SASH1: variants seen among roughly 807,000 people sequenced by gnomAD.
SASH1 encodes the protein SAM and SH3 domain containing 1, also known as SAM and SH3 domain-containing protein 1.
A neutral mutation model predicts 125.2 loss-of-function variants in SASH1; 44 were observed. The ratio of observed to expected loss-of-function variants is 0.35; its 90% CI spans 0.28 to 0.45. The LOEUF (loss-of-function observed/expected upper bound fraction) is 0.45. Ranked by LOEUF, SASH1 falls within the 20% of genes least tolerant of loss-of-function variation. SASH1 has a pLI of 1.00. For synonymous variants in SASH1, 639 were observed against 649.1 expected, an observed-to-expected ratio of 0.98 and a Z score of 0.24; for missense variants, 1,426 against 1,614.5, an observed-to-expected ratio of 0.88 and a Z score of 2.00.
At chr6:148,459,024 C>CA (rs1351680123) in intron 4 of SASH1, among the ~76,000 whole-genome samples, 7 of 139,398 alleles carry the variant, frequency 5.0e-5, no homozygotes, top group African/African-American at 1.9e-4. Flanking sequence ...ACACACACAC[C>CA]CTCTAGCATA....
chr6:148,421,177 G>GAAAGAAAGAAAGAAAA (rs1562396585), intron 2 of SASH1, among the ~76,000 whole-genome samples: 39 of 144,000 alleles, frequency 2.7e-4, no homozygotes, highest in African/African-American at 9.4e-4. Context: ...AAGAAAGAAA[G>GAAAGAAAGAAAGAAAA]AAAGAAAGAA....
rs897994926 is a variant in SASH1, at chr6:148,353,434, G to A, written c.156+10211G>A. On this transcript the variant is annotated intron_variant, in intron 1 of 19. Transcript: ENST00000367467. Reference sequence around the variant, plus strand: ...GATTCTACATGTTCAATTTAAGATTGATTTTTTTTTTTTTTTTTTTTGGAC... The same window carrying A: ...GATTCTACATGTTCAATTTAAGATTAATTTTTTTTTTTTTTTTTTTTGGAC... Among the ~76,000 whole-genome samples the A allele has an allele frequency of 6.0e-5, 6 of 99,354 alleles. No homozygotes were observed. The East Asian group carries it at 1.7e-3, about 29-fold the overall frequency. The allele number at this position is 99,354 out of a possible 152,430, so 65.2% of individuals were successfully genotyped here.
intron 4 of SASH1, among the ~76,000 whole-genome samples, chr6:148,447,685 TTCTTCCTCTTC>T: frequency 6.6e-6 from 1 of 151,232 alleles, no homozygotes; most frequent in African/African-American, 2.4e-5. Context: ...CCTCCTCTTC[TTCTTCCTCTTC>T]TCCTCTTCCT....
intron 2 of SASH1, among the ~76,000 whole-genome samples, chr6:148,401,333 T>C (rs144226667): frequency 2.6e-3 from 390 of 152,014 alleles, no homozygotes; most frequent in African/African-American, 8.6e-3. Flanking sequence ...GGACACACAC[T>C]AGCTCATGGG....
At chr6:148,292,277 C>G (rs759228493) in intron 1 of SASH1, among the ~76,000 whole-genome samples, 18 of 151,946 alleles carry the variant, frequency 1.2e-4, no homozygotes, top group Non-Finnish European at 1.9e-4. Context: ...TTTTTTTAAG[C>G]ATTTAAACCA....
At chr6:148,275,464 G>A (rs900932906) in intron 1 of SASH1, among the ~76,000 whole-genome samples, 3 of 151,964 alleles carry the variant, frequency 2.0e-5, no homozygotes, top group Non-Finnish European at 2.9e-5. Flanking sequence ...GCAAACTCTC[G>A]ATCAGCTCAA....
chr6:148,387,616 C>CTTTCTTTCTTTG (rs1783480434), intron 1 of SASH1, among the ~76,000 whole-genome samples: 1 of 21,002 alleles, frequency 4.8e-5, no homozygotes, highest in Non-Finnish European at 9.7e-5. Context: ...TTCTTTCTTT[C>CTTTCTTTCTTTG]TTTCTTTCTT....
chr6:148,392,885 A>T (rs1783786780), intron 2 of SASH1, among the ~76,000 whole-genome samples: 1 of 152,170 alleles, frequency 6.6e-6, no homozygotes, highest in African/African-American at 2.4e-5. Flanking sequence ...TTTTGAAGAA[A>T]GTAACTTTAT....
intron 1 of SASH1, among the ~76,000 whole-genome samples, chr6:148,286,143 C>T (rs1464394219): frequency 6.6e-6 from 1 of 151,960 alleles, no homozygotes; most frequent in Non-Finnish European, 1.5e-5. Context: ...GATTCATGGA[C>T]CCTCCATTAA....
At position 148,495,920 on chromosome 6, in the gene SASH1, C is replaced by A. The variant is rs1454822547; in HGVS notation, c.729+8205C>A. On this transcript the variant is annotated intron_variant, in intron 8 of 19. Coordinates refer to ENST00000367467, the MANE Select transcript of SASH1 (RefSeq NM_015278.5). The surrounding 1 kb of genome is among the most constrained non-coding windows in gnomAD (Gnocchi z 4.0). ...GCACGATCTCGGCCCTCTGCAACCT[C>A]CACCTCCTGGGTTCACGCGATTCTC... Among the ~76,000 whole-genome samples, 2 of 152,188 alleles carry A rather than the reference C, an allele frequency of 1.3e-5. No individual in the cohort carries two copies. The highest frequency in any genetic ancestry group is 4.8e-5 in the African/African-American group (2 of 41,444).
At chr6:148,330,798 C>A (rs1394054001) in intron 1 of SASH1, among the ~76,000 whole-genome samples, 1 of 152,162 alleles carries the variant, frequency 6.6e-6, no homozygotes, top group South Asian at 2.1e-4. Context: ...GTTGGCCAGG[C>A]TGGTCTCGAA....
Position 148,374,831 on chromosome 6 carries a change from G to A in SASH1, c.157-15303G>A, listed in dbSNP as rs571171885. 2.0e-5 allele frequency among the ~76,000 whole-genome samples: 3 copies of A among 152,058 alleles called. No homozygotes were observed. In the South Asian group the frequency reaches 6.2e-4, roughly 32 times the overall value. On this transcript the variant is annotated intron_variant, in intron 1 of 19. Coordinates refer to ENST00000367467, the MANE Select transcript of SASH1 (RefSeq NM_015278.5). Reference sequence around the variant, plus strand: ...CCTGCCTCAGCCTCCTGAGTACCTGGGATTACAGGTGCTTGCCACCATGCA... The same window carrying A: ...CCTGCCTCAGCCTCCTGAGTACCTGAGATTACAGGTGCTTGCCACCATGCA...
chr6:148,211,843 G>A, the SASH1 span, among the ~76,000 whole-genome samples: 3 of 152,128 alleles, frequency 2.0e-5, no homozygotes, highest in African/African-American at 7.2e-5. Context: ...GCCACCATGC[G>A]CTGGAAGCAT....
At chr6:148,233,487 T>C in the SASH1 span, among the ~76,000 whole-genome samples, 1 of 152,138 alleles carries the variant, frequency 6.6e-6, no homozygotes, top group African/African-American at 2.4e-5. Context: ...GTGTATGTAC[T>C]ATGTGCCAAT....
chr6:148,523,263 C>T (rs535010233), intron 10 of SASH1, among the ~76,000 whole-genome samples: 1 of 152,212 alleles, frequency 6.6e-6, no homozygotes, highest in East Asian at 1.9e-4. Flanking sequence ...TCTGTGAAGC[C>T]CTGAGTCACG....
Position 148,449,078 on chromosome 6 carries a change from C to CTTTTTTTTTTTT in SASH1, c.386+8675_386+8686dup. 8.3e-4 allele frequency among the ~76,000 whole-genome samples: 74 copies of CTTTTTTTTTTTT among 88,670 alleles called. 3 individuals carry two copies. Among genetic ancestry groups the CTTTTTTTTTTTT allele is most frequent in the African/African-American group, 1.2e-3 (28 of 23,194 alleles). 58.2% of individuals were successfully genotyped at this position (88,670 alleles called of 152,430 possible). ...GAGACTGGCTAATTTCATTTCATTTCTTTTTTTTTTTTTTTGGAGACAGAG... is the reference window on the plus strand; with the variant it reads ...GAGACTGGCTAATTTCATTTCATTTCTTTTTTTTTTTTTTTTTTTTTTTTTTTGGAGACAGAG... On this transcript the variant is annotated intron_variant, in intron 4 of 19. Coordinates refer to ENST00000367467, the MANE Select transcript of SASH1 (RefSeq NM_015278.5).
At chr6:148,352,922 A>C (rs2114672310) in intron 1 of SASH1, among the ~76,000 whole-genome samples, 1 of 152,222 alleles carries the variant, frequency 6.6e-6, no homozygotes, top group Non-Finnish European at 1.5e-5. Context: ...GTGAGCTGAG[A>C]TTGTGCTACT....
intron 16 of SASH1, among the ~76,000 whole-genome samples, chr6:148,540,060 G>A (rs1011800468): frequency 6.6e-6 from 1 of 152,120 alleles, no homozygotes; most frequent in Non-Finnish European, 1.5e-5. Flanking sequence ...CTTGTGAATG[G>A]GGCGTTTATT....
intron 1 of SASH1, among the ~76,000 whole-genome samples, chr6:148,274,405 C>G (rs1238784306): frequency 6.6e-6 from 1 of 152,188 alleles, no homozygotes; most frequent in Non-Finnish European, 1.5e-5. Context: ...TGACTGGTTG[C>G]CCGCAGTTCT....
Sources: allele counts gnomAD v4.1 joint callset (sites outside exome capture counted in the v4.1 genomes callset), GRCh38; gene constraint gnomAD v4.1.1; non-coding constraint Gnocchi (gnomAD v3.1); transcripts MANE v1.5; gene names NCBI Gene and HGNC (gene_info 2026-07-23, HGNC 2026-07-21).